The following ANKS1A variants were observed in gnomAD, a reference collection of about 807,000 sequenced individuals.
The protein encoded by ANKS1A is ankyrin repeat and sterile alpha motif domain containing 1A, also known as ankyrin repeat and SAM domain-containing protein 1A.
Under a neutral mutation model 120.3 loss-of-function variants are expected in ANKS1A, and 55 were observed. The observed-to-expected ratio is 0.46, with a 90% CI of 0.37 to 0.57. The LOEUF (loss-of-function observed/expected upper bound fraction) is 0.57. ANKS1A is among the 20% of genes least tolerant of loss of function. ANKS1A has a pLI of 0.00. For missense variants in ANKS1A, 1,123 were observed against 1,480.3 expected, an observed-to-expected ratio of 0.76 and a Z score of 3.96; for synonymous variants, 590 against 604.7, an observed-to-expected ratio of 0.98 and a Z score of 0.36.
chr6:34,992,427 A>G (rs1336514772), intron 9 of ANKS1A, among the ~76,000 whole-genome samples: 1 of 152,186 alleles, frequency 6.6e-6, no homozygotes, highest in African/African-American at 2.4e-5. Context: ...AAGAAAGGAT[A>G]TTATAGGCTG....
At chr6:34,910,372 C>T (rs1401209589) in intron 1 of ANKS1A, among the ~76,000 whole-genome samples, 1 of 152,046 alleles carries the variant, frequency 6.6e-6, no homozygotes, top group Non-Finnish European at 1.5e-5. Context: ...TAAGGCCATC[C>T]TAGGCAACAC....
At chr6:35,016,114 A>G (rs570078267) in intron 10 of ANKS1A, among the ~76,000 whole-genome samples, 6 of 152,272 alleles carry the variant, frequency 3.9e-5, no homozygotes, top group Non-Finnish European at 8.8e-5. Context: ...CAGCCCAGTC[A>G]CTTTAGACGC....
intron 12 of ANKS1A, among the ~76,000 whole-genome samples, chr6:35,054,420 T>A (rs1190699644): frequency 6.6e-6 from 1 of 152,132 alleles, no homozygotes. Context: ...TTGGGAAAAA[T>A]TTTTAGATCA....
chr6:35,002,107 T>G (rs528097945), intron 10 of ANKS1A, among the ~76,000 whole-genome samples: 14 of 152,324 alleles, frequency 9.2e-5, no homozygotes, highest in Non-Finnish European at 1.6e-4. Context: ...AAGCTTGCTC[T>G]GTGAAAATCC....
chr6:34,892,488 T>A (rs756277191), intron 1 of ANKS1A, among the ~76,000 whole-genome samples: 5 of 152,226 alleles, frequency 3.3e-5, no homozygotes, highest in Non-Finnish European at 7.3e-5. Flanking sequence ...GTAACTTGCC[T>A]GAAGTAAAGC....
At chr6:35,097,637 G>GAAAAA in the ANKS1A span, among the ~76,000 whole-genome samples, 20 of 89,698 alleles carry the variant, frequency 2.2e-4, no homozygotes, top group East Asian at 5.9e-4. Flanking sequence ...AAAGCCAAAA[G>GAAAAA]AAAAAAAAAA....
chr6:34,945,548 G>T (rs1309811278), intron 1 of ANKS1A, among the ~76,000 whole-genome samples: 1 of 152,028 alleles, frequency 6.6e-6, no homozygotes, highest in Non-Finnish European at 1.5e-5. Context: ...TATTTGTGTG[G>T]GTTGCTTTCT....
chr6:34,914,811 T>C (rs1253355179), intron 1 of ANKS1A, among the ~76,000 whole-genome samples: 1 of 152,182 alleles, frequency 6.6e-6, no homozygotes, highest in African/African-American at 2.4e-5. Context: ...ATGGTATTTA[T>C]TAGACACAGG....
chr6:35,096,572 G>A, the ANKS1A span, among the ~76,000 whole-genome samples: 1 of 152,298 alleles, frequency 6.6e-6, no homozygotes, highest in Non-Finnish European at 1.5e-5. Context: ...TTCCTTTGCT[G>A]ATTTCTGGAA....
At chr6:34,933,949 C>G (rs1769122362) in intron 1 of ANKS1A, among the ~76,000 whole-genome samples, 1 of 152,102 alleles carries the variant, frequency 6.6e-6, no homozygotes, top group South Asian at 2.1e-4. Context: ...TGGACCTAAA[C>G]CAAGATACCA....
intron 1 of ANKS1A, among the ~76,000 whole-genome samples, chr6:34,933,016 T>C (rs1263897323): frequency 6.6e-6 from 1 of 152,250 alleles, no homozygotes; most frequent in Non-Finnish European, 1.5e-5. Context: ...TCCATTTTAT[T>C]TTATCCTAGT....
At chr6:34,972,322 T>C (rs1247953406) in intron 3 of ANKS1A, among the ~76,000 whole-genome samples, 4 of 152,164 alleles carry the variant, frequency 2.6e-5, no homozygotes, top group African/African-American at 7.2e-5. Flanking sequence ...GCTTGAAGAC[T>C]TTAATGGATC....
At chr6:35,045,432 A>G (rs13191889) in intron 11 of ANKS1A, among the ~76,000 whole-genome samples, 79,629 of 152,050 alleles carry the variant, frequency 0.52, 21,838 homozygotes, top group Middle Eastern at 0.65. Context: ...AAAGTCAACA[A>G]AGTTAAATGA....
chr6:35,078,503 G>C (rs1001471696), intron 13 of ANKS1A, 55 bp from the exon 14 acceptor site: 2 of 1,558,828 alleles, frequency 1.3e-6, no homozygotes, highest in Non-Finnish European at 1.8e-6. Context: ...GACCCCCTCA[G>C]GGCCACCAGC....
chr6:34,950,621 G>C (rs1352379713), intron 1 of ANKS1A, among the ~76,000 whole-genome samples: 2 of 152,174 alleles, frequency 1.3e-5, no homozygotes, highest in Admixed American at 1.3e-4. Flanking sequence ...TGATAGCCAA[G>C]GAGCAAGGTG....
chr6:35,072,728 G>C (rs905344773), intron 13 of ANKS1A, among the ~76,000 whole-genome samples: 1 of 152,242 alleles, frequency 6.6e-6, no homozygotes, highest in Non-Finnish European at 1.5e-5. Context: ...AGGTGGCCAG[G>C]AGGGAGAGGG....
intron 9 of ANKS1A, among the ~76,000 whole-genome samples, chr6:34,993,813 G>A (rs977572220): frequency 3.3e-5 from 5 of 152,190 alleles, no homozygotes; most frequent in Admixed American, 6.5e-5. Context: ...CTGCCTTCAC[G>A]ATGGAGCATG....
At chr6:35,065,322 C>G (rs919547859) in intron 13 of ANKS1A, among the ~76,000 whole-genome samples, 1 of 152,164 alleles carries the variant, frequency 6.6e-6, no homozygotes, top group Non-Finnish European at 1.5e-5. Context: ...TCTCCAGTCC[C>G]CTTTACAGTA....
At chr6:34,916,092 A>G (rs1009991494) in intron 1 of ANKS1A, among the ~76,000 whole-genome samples, 3 of 150,196 alleles carry the variant, frequency 2.0e-5, no homozygotes, top group African/African-American at 7.4e-5. Flanking sequence ...TCCCGGGTAC[A>G]AGCAGTTCTT....
Sources: allele counts gnomAD v4.1 joint callset (sites outside exome capture counted in the v4.1 genomes callset), GRCh38; gene constraint gnomAD v4.1.1; transcripts MANE v1.5; gene names NCBI Gene and HGNC (gene_info 2026-07-23, HGNC 2026-07-21).